Variants in COX10 observed in about 807,000 individuals in gnomAD.
The protein encoded by COX10 is protoheme IX farnesyltransferase, mitochondrial.
COX10 carries 27 observed loss-of-function variants against 37.3 expected under a neutral mutation model. That is an observed-to-expected ratio of 0.72 (90% CI 0.53 to 1.00). The LOEUF (loss-of-function observed/expected upper bound fraction) is 1.00. Among genes scored for constraint, COX10 ranks in the 50% least tolerant of loss-of-function variants. The probability of loss-of-function intolerance (pLI) is 0.00; values close to 1 mark genes in which losing one functional copy is unlikely to be tolerated. For missense variants in COX10, 475 were observed against 563.2 expected (o/e 0.84, Z 1.59); for synonymous variants, 222 against 229.1 (o/e 0.97, Z 0.28).
intron 6 of COX10, among the ~76,000 whole-genome samples, chr17:14,193,351 G>A (rs1276247863): frequency 6.6e-6 from 1 of 152,098 alleles, no homozygotes; most frequent in Non-Finnish European, 1.5e-5. Flanking sequence ...TCATTGTGAG[G>A]ATGAAACAAA....
At chr17:14,194,274 A>T (rs1009755828) in intron 6 of COX10, among the ~76,000 whole-genome samples, 2 of 152,054 alleles carry the variant, frequency 1.3e-5, no homozygotes, top group African/African-American at 4.8e-5. Context: ...TCCTGAAGAG[A>T]GCCTCAGCAT....
chr17:14,103,170 T>C (rs1915824630), intron 4 of COX10, among the ~76,000 whole-genome samples: 1 of 152,246 alleles, frequency 6.6e-6, no homozygotes, highest in African/African-American at 2.4e-5. Flanking sequence ...GTGCTACCAC[T>C]TTACCAAAAA....
At chr17:14,093,565 G>A (rs923605553) in intron 3 of COX10, among the ~76,000 whole-genome samples, 3 of 152,170 alleles carry the variant, frequency 2.0e-5, no homozygotes, top group Non-Finnish European at 4.4e-5. Context: ...CTAGGGGCCT[G>A]GCTAAATTTG....
intron 4 of COX10, among the ~76,000 whole-genome samples, chr17:14,151,413 C>A (rs1196774016): frequency 6.6e-6 from 1 of 152,002 alleles, no homozygotes; most frequent in African/African-American, 2.4e-5. Context: ...TTATGGCATC[C>A]TGGAGTCCAG....
At chr17:14,094,237 C>T (rs1160187376) in intron 3 of COX10, among the ~76,000 whole-genome samples, 2 of 151,678 alleles carry the variant, frequency 1.3e-5, no homozygotes, top group South Asian at 2.1e-4. Flanking sequence ...TTTATTAGTC[C>T]TGTACTTTAT....
At chr17:14,087,879 T>C (rs1915446895) in intron 3 of COX10, among the ~76,000 whole-genome samples, 1 of 152,036 alleles carries the variant, frequency 6.6e-6, no homozygotes, top group African/African-American at 2.4e-5. Context: ...ATGGGTGGCT[T>C]GCTACACTGT....
At chr17:14,171,168 T>C (rs1461996705) in intron 5 of COX10, among the ~76,000 whole-genome samples, 1 of 152,140 alleles carries the variant, frequency 6.6e-6, no homozygotes, top group Admixed American at 6.5e-5. Context: ...TATTGAACCT[T>C]TCCCTCATAC....
chr17:14,087,953 C>G (rs1011643565), intron 3 of COX10, among the ~76,000 whole-genome samples: 1 of 152,024 alleles, frequency 6.6e-6, no homozygotes, highest in Admixed American at 6.6e-5. Context: ...TGAGGCCCTG[C>G]TTTCTCATTT....
At chr17:14,162,473 C>CA (rs1279934986) in intron 5 of COX10, among the ~76,000 whole-genome samples, 1 of 151,912 alleles carries the variant, frequency 6.6e-6, no homozygotes, top group Non-Finnish European at 1.5e-5. Context: ...TCTAGTGTCA[C>CA]AAAAAAACAT....
At chr17:14,150,707 A>G (rs924561211) in intron 4 of COX10, among the ~76,000 whole-genome samples, 10 of 152,232 alleles carry the variant, frequency 6.6e-5, no homozygotes, top group Admixed American at 6.5e-4. Flanking sequence ...TAACACACTC[A>G]GTAATCACTG....
At chr17:14,167,226 C>A in intron 5 of COX10, among the ~76,000 whole-genome samples, 1 of 152,174 alleles carries the variant, frequency 6.6e-6, no homozygotes, top group Non-Finnish European at 1.5e-5. Flanking sequence ...GACTGGATAG[C>A]TGCAATCTCA....
At chr17:14,111,598 C>T (rs916898758) in intron 4 of COX10, among the ~76,000 whole-genome samples, 8 of 152,050 alleles carry the variant, frequency 5.3e-5, no homozygotes, top group African/African-American at 1.7e-4. Context: ...AAAACTACCA[C>T]TTACAAGGAA....
At position 14,207,365 on chromosome 17, in the gene COX10, TA is replaced by T. The variant is rs1906743444; in HGVS notation, c.*155del. On this transcript the variant is annotated 3_prime_UTR_variant, in exon 7 of 7. Coordinates refer to ENST00000261643, the MANE Select transcript of COX10 (RefSeq NM_001303.4). ...ATCACTTGACAGTTTTTTTTTTTTT[TA>T]AATATTACCCAAAATGCTCCCCAAA... is the stretch of plus-strand genomic sequence containing the variant. 1.7e-5 allele frequency: 15 copies of T among 866,750 alleles called. No individual in the cohort carries two copies. Among genetic ancestry groups the T allele is most frequent in the East Asian group, 2.9e-5 (1 of 33,924 alleles). The allele number at this position is 866,750 out of a possible 1,614,324, so 53.7% of individuals were successfully genotyped here.
intron 5 of COX10, among the ~76,000 whole-genome samples, chr17:14,171,085 G>T (rs1650270660): frequency 1.3e-5 from 2 of 152,182 alleles, no homozygotes; most frequent in South Asian, 4.2e-4. Context: ...AGCAAACTCA[G>T]AGTGAAAACT....
intron 6 of COX10, among the ~76,000 whole-genome samples, chr17:14,195,962 A>T (rs1906355085): frequency 6.6e-6 from 1 of 152,104 alleles, no homozygotes; most frequent in African/African-American, 2.4e-5. Flanking sequence ...TAATGGTGTC[A>T]TTTATATTAT....
intron 4 of COX10, among the ~76,000 whole-genome samples, chr17:14,115,228 A>T (rs138679162): frequency 6.6e-6 from 1 of 152,170 alleles, no homozygotes; most frequent in Non-Finnish European, 1.5e-5. Flanking sequence ...AAATGAAACT[A>T]CATTTTACGA....
intron 1 of COX10, among the ~76,000 whole-genome samples, chr17:14,073,441 A>G (rs550017404): frequency 2.0e-5 from 3 of 152,312 alleles, no homozygotes; most frequent in South Asian, 2.1e-4. Flanking sequence ...TGAGAATAAA[A>G]CACTCTTAAA....
chr17:14,102,205 C>T lies in COX10; in HGVS notation c.587C>T (p.Thr196Ile). 1 of 1,613,730 alleles carries T rather than the reference C, an allele frequency of 6.2e-7. No individual in the cohort carries two copies. Among genetic ancestry groups the T allele is most frequent in the East Asian group, 2.2e-5 (1 of 44,864 alleles). Residue 196 changes from threonine to isoleucine, a missense_variant, in exon 4 of 7, where the codon ACA becomes ATA. Around this residue, in one of 5 missense-constraint regions of COX10, gnomAD observed 242 missense variants for 242.5 expected, o/e 1.00. Transcript: ENST00000261643. ...WPCFLLTSVG[T>I]GLASCAANSI... Reference sequence around the variant, plus strand: ...TGTTTCCTGCTTACTTCTGTTGGGACAGGCCTTGCATCCTGTGCTGCCAAC... The same window carrying T: ...TGTTTCCTGCTTACTTCTGTTGGGATAGGCCTTGCATCCTGTGCTGCCAAC...
At chr17:14,202,204 AGTCT>A (rs1906564165) in intron 6 of COX10, among the ~76,000 whole-genome samples, 1 of 147,580 alleles carries the variant, frequency 6.8e-6, no homozygotes, top group East Asian at 2.0e-4. Flanking sequence ...CACAAACTTT[AGTCT>A]GTGTGTGGCA....
Sources: gnomAD v4.1 joint callset for allele counts (sites outside exome capture counted in the v4.1 genomes callset) on GRCh38, gnomAD v4.1.1 for gene constraint, gnomAD v4.1.1 regional missense constraint, MANE v1.5 for transcripts, NCBI Gene and HGNC (gene_info 2026-07-23, HGNC 2026-07-21) for gene names.